HIVEP3: variants seen among roughly 807,000 people sequenced by gnomAD.
The protein encoded by HIVEP3 is transcription factor HIVEP3.
In HIVEP3, 49 loss-of-function variants were observed where a neutral mutation model predicts 152.8. The ratio of observed to expected loss-of-function variants is 0.32; its 90% CI spans 0.26 to 0.41. The LOEUF (loss-of-function observed/expected upper bound fraction) is 0.41, where lower values mean the gene tolerates loss of function less well. HIVEP3 is among the 10% of genes least tolerant of loss of function. The probability of loss-of-function intolerance (pLI) is 1.00; values close to 1 mark genes in which losing one functional copy is unlikely to be tolerated. For missense variants in HIVEP3, 2,790 were observed against 3,103.3 expected, an observed-to-expected ratio of 0.90 and a Z score of 2.40; for synonymous variants, 1,269 against 1,289.0, an observed-to-expected ratio of 0.98 and a Z score of 0.33.
intron 1 of HIVEP3, among the ~76,000 whole-genome samples, chr1:41,993,915 C>G (rs1252771561): frequency 6.7e-6 from 1 of 149,998 alleles, no homozygotes; most frequent in East Asian, 2.0e-4. Context: ...AAACCAAACA[C>G]CGCATATTCT....
chr1:41,873,041 G>C lies in HIVEP3; in HGVS notation c.-801+45372C>G, dbSNP rs1480290869. On this transcript the variant is annotated intron_variant, in intron 1 of 8. Coordinates refer to ENST00000372583, the MANE Select transcript of HIVEP3 (RefSeq NM_024503.5). The surrounding 1 kb of genome is among the most constrained non-coding windows in gnomAD (Gnocchi z 4.2). ...GACTTACTGGATTTTATAAGGAAAA[G>C]AGGAAACGAGACGAAAGAAAATGTA... 6.6e-6 allele frequency among the ~76,000 whole-genome samples: 1 copy of C among 152,234 alleles called. No individual in the cohort carries two copies. Among genetic ancestry groups the C allele is most frequent in the African/African-American group, 2.4e-5 (1 of 41,458 alleles).
At chr1:41,939,687 A>G (rs1372593825) in intron 1 of HIVEP3, among the ~76,000 whole-genome samples, 1 of 152,292 alleles carries the variant, frequency 6.6e-6, no homozygotes, top group East Asian at 1.9e-4. Context: ...AGTAAACATC[A>G]GGATCATAGA....
chr1:41,659,506 G>A (rs975287994), intron 2 of HIVEP3, among the ~76,000 whole-genome samples: 1 of 152,232 alleles, frequency 6.6e-6, no homozygotes, highest in Non-Finnish European at 1.5e-5. Context: ...CAGGCACTCA[G>A]CAAACATGTT....
intron 5 of HIVEP3, among the ~76,000 whole-genome samples, chr1:41,527,913 C>T (rs1643053859): frequency 6.9e-6 from 1 of 144,982 alleles, no homozygotes; most frequent in South Asian, 2.2e-4. Flanking sequence ...CTCACCCTCA[C>T]ACACACACCC....
At chr1:41,978,600 C>T (rs1645275553) in intron 1 of HIVEP3, among the ~76,000 whole-genome samples, 2 of 152,118 alleles carry the variant, frequency 1.3e-5, no homozygotes, top group South Asian at 4.1e-4. Flanking sequence ...TTTAAGCCAC[C>T]CAGTCTGTGG....
upstream of HIVEP3, among the ~76,000 whole-genome samples, chr1:41,920,009 C>T (rs1049115663): frequency 1.3e-5 from 2 of 152,218 alleles, no homozygotes; most frequent in Non-Finnish European, 2.9e-5. Flanking sequence ...CATCACAGCC[C>T]ATTCCCTCCC....
In HIVEP3 at chr1:42,022,663, A is replaced by G. The variant is rs192335376; in HGVS notation, n.119+13144T>C. 4.5e-3 allele frequency among the ~76,000 whole-genome samples: 691 copies of G among 152,320 alleles called. 6 individuals carry two copies. The highest frequency in any genetic ancestry group is 9.9e-3 in the Admixed American group (152 of 15,298). On this transcript the variant is annotated intron_variant and non_coding_transcript_variant, in intron 1 of 3. Coordinates refer to the HIVEP3 transcript ENST00000489103. ...TTTCTACACTAAATGCATATTTTTA[A>G]ACAATTGTCTGGTTAAGTCACCACT...
chr1:41,822,113 T>C (rs1642623161), intron 1 of HIVEP3, among the ~76,000 whole-genome samples: 1 of 152,176 alleles, frequency 6.6e-6, no homozygotes, highest in Admixed American at 6.5e-5. Context: ...GCTAGGGCAG[T>C]GTGACTCAGG....
rs551993698 is a variant in HIVEP3 at position 41,981,458 on chromosome 1, G to A, written n.119+54349C>T. On this transcript the variant is annotated intron_variant and non_coding_transcript_variant, in intron 1 of 3. Coordinates refer to the HIVEP3 transcript ENST00000489103. ...AGGAAGTGGTGGGGAGGCTCAGGGT[G>A]TGTCAGATCCAGCCTCCCCACCTCT... Among the ~76,000 whole-genome samples the A allele has an allele frequency of 5.3e-5, 8 of 151,968 alleles. No individual in the cohort carries two copies. In the East Asian group the frequency reaches 1.4e-3, roughly 26 times the overall value.
chr1:42,018,886 G>T (rs1027481193), intron 1 of HIVEP3, among the ~76,000 whole-genome samples: 2 of 152,098 alleles, frequency 1.3e-5, no homozygotes, highest in Admixed American at 1.3e-4. Flanking sequence ...CAAATGTATT[G>T]CTGTTTGTTG....
intron 1 of HIVEP3, among the ~76,000 whole-genome samples, chr1:41,720,874 A>T (rs1646664027): frequency 6.6e-6 from 1 of 152,266 alleles, no homozygotes; most frequent in Non-Finnish European, 1.5e-5. Context: ...CTTAAAAAAG[A>T]AGGAAATCCT....
At chr1:41,625,056 G>A (rs1645097088) in intron 3 of HIVEP3, among the ~76,000 whole-genome samples, 1 of 149,376 alleles carries the variant, frequency 6.7e-6, no homozygotes. Context: ...CCAGCTATTT[G>A]GGAGGCTGAG....
intron 2 of HIVEP3, among the ~76,000 whole-genome samples, chr1:41,640,082 A>G (rs1645349147): frequency 1.3e-5 from 2 of 152,182 alleles, no homozygotes; most frequent in South Asian, 4.1e-4. Flanking sequence ...CATAAACTCT[A>G]CACTGGGATT....
At chr1:41,621,429 C>T (rs1025105582) in intron 3 of HIVEP3, among the ~76,000 whole-genome samples, 5 of 152,264 alleles carry the variant, frequency 3.3e-5, no homozygotes, top group Non-Finnish European at 5.9e-5. Flanking sequence ...CCTCTGTCTC[C>T]CAAGGGAGGG....
intron 1 of HIVEP3, among the ~76,000 whole-genome samples, chr1:42,008,197 T>A (rs1645471908): frequency 1.3e-5 from 2 of 152,188 alleles, no homozygotes; most frequent in African/African-American, 4.8e-5. Context: ...CAAAATGTGA[T>A]CCTGTCACAT....
At chr1:41,939,920 C>T (rs926601599) in intron 1 of HIVEP3, among the ~76,000 whole-genome samples, 1 of 151,518 alleles carries the variant, frequency 6.6e-6, no homozygotes, top group Non-Finnish European at 1.5e-5. Flanking sequence ...TTTTATTTCC[C>T]ATTTTTCAAT....
intron 1 of HIVEP3, among the ~76,000 whole-genome samples, chr1:41,839,794 T>C (rs1016775460): frequency 6.6e-5 from 10 of 152,212 alleles, no homozygotes; most frequent in African/African-American, 2.4e-4. Flanking sequence ...ACGGTCTACC[T>C]TGCTTAGCCT....
chr1:41,941,538 T>A (rs1287902662), intron 1 of HIVEP3, among the ~76,000 whole-genome samples: 1 of 152,058 alleles, frequency 6.6e-6, no homozygotes, highest in Non-Finnish European at 1.5e-5. Context: ...ATTTTCTACA[T>A]AAAATAGGGA....
intron 1 of HIVEP3, among the ~76,000 whole-genome samples, chr1:42,015,013 G>A (rs1275363327): frequency 1.3e-5 from 2 of 152,144 alleles, no homozygotes; most frequent in Admixed American, 6.5e-5. Context: ...GCCTCCAGAG[G>A]TCCGTGCTGC....
Sources: allele counts gnomAD v4.1 joint callset (sites outside exome capture counted in the v4.1 genomes callset), GRCh38; gene constraint gnomAD v4.1.1; non-coding constraint Gnocchi (gnomAD v3.1); transcripts MANE v1.5; gene names NCBI Gene and HGNC (gene_info 2026-07-23, HGNC 2026-07-21).